Variants in MAGI2 observed in about 807,000 individuals in gnomAD.
The protein encoded by MAGI2 is membrane-associated guanylate kinase, WW and PDZ domain-containing protein 2.
Under a neutral mutation model 133.3 loss-of-function variants are expected in MAGI2, and 35 were observed. That is an observed-to-expected ratio of 0.26 (90% CI 0.20 to 0.35). The LOEUF is 0.35. Among genes scored for constraint, MAGI2 ranks in the 10% least tolerant of loss-of-function variants. The pLI, the probability that MAGI2 is intolerant of heterozygous loss-of-function variation, is 1.00. For synonymous variants in MAGI2, 729 were observed against 710.6 expected, an observed-to-expected ratio of 1.03 and a Z score of -0.41; for missense variants, 1,636 against 1,863.4, an observed-to-expected ratio of 0.88 and a Z score of 2.25.
chr7:78,080,525 C>T (rs1379233416), intron 20 of MAGI2, among the ~76,000 whole-genome samples: 1 of 152,178 alleles, frequency 6.6e-6, no homozygotes, highest in Admixed American at 6.5e-5. Context: ...AATTATCCCT[C>T]CCCCAGTAGC....
At chr7:79,334,598 G>A (rs900083860) in intron 1 of MAGI2, among the ~76,000 whole-genome samples, 13 of 152,016 alleles carry the variant, frequency 8.6e-5, no homozygotes, top group African/African-American at 2.2e-4. Flanking sequence ...TATGCCCAGG[G>A]AGTACAGTCC....
At chr7:78,111,823 A>G (rs1819392837) in intron 20 of MAGI2, among the ~76,000 whole-genome samples, 1 of 152,184 alleles carries the variant, frequency 6.6e-6, no homozygotes, top group Non-Finnish European at 1.5e-5. Context: ...TCTGGACGAA[A>G]TGGTCTTTGG....
At chr7:78,269,862 T>C (rs978115595) in intron 9 of MAGI2, among the ~76,000 whole-genome samples, 2 of 152,330 alleles carry the variant, frequency 1.3e-5, no homozygotes, top group Non-Finnish European at 2.9e-5. Flanking sequence ...CTGAATGGTA[T>C]TGCCTAGGTT....
intron 9 of MAGI2, among the ~76,000 whole-genome samples, chr7:78,328,735 T>C (rs546384199): frequency 1.8e-4 from 27 of 152,296 alleles, no homozygotes; most frequent in Admixed American, 3.9e-4. Flanking sequence ...TAAGTAATTT[T>C]TTCATACCAA....
chr7:78,841,223 A>G (rs1294811130), intron 2 of MAGI2, among the ~76,000 whole-genome samples: 1 of 152,058 alleles, frequency 6.6e-6, no homozygotes, highest in East Asian at 1.9e-4. Context: ...CTCCACCACT[A>G]AAATGAAGTT....
At chr7:78,503,673 C>T (rs1385123259) in intron 4 of MAGI2, among the ~76,000 whole-genome samples, 1 of 140,598 alleles carries the variant, frequency 7.1e-6, no homozygotes, top group East Asian at 2.2e-4. Context: ...TTCTCTCACC[C>T]TCCCCTGTCC....
chr7:78,573,068 TATATATATAC>T (rs1264124092), intron 3 of MAGI2, among the ~76,000 whole-genome samples: 127 of 85,736 alleles, frequency 1.5e-3, no homozygotes, highest in East Asian at 0.013. Context: ...TATATATATA[TATATATATAC>T]ACACACACAC....
chr7:78,314,753 A>G (rs1384506011), intron 9 of MAGI2, among the ~76,000 whole-genome samples: 2 of 152,156 alleles, frequency 1.3e-5, no homozygotes, highest in Admixed American at 1.3e-4. Context: ...ATTAAACATT[A>G]TATGTTGTTG....
intron 1 of MAGI2, among the ~76,000 whole-genome samples, chr7:79,299,410 A>C (rs867065463): frequency 4.9e-4 from 74 of 151,930 alleles, no homozygotes; most frequent in African/African-American, 1.7e-3. Context: ...TTGGGAGTAG[A>C]TTTTGAAGAG....
chr7:78,387,776 A>T (rs1795521449), intron 6 of MAGI2, among the ~76,000 whole-genome samples: 1 of 152,030 alleles, frequency 6.6e-6, no homozygotes, highest in Admixed American at 6.6e-5. Context: ...AAAATACAAA[A>T]TTAATTAGGT....
intron 2 of MAGI2, among the ~76,000 whole-genome samples, chr7:78,746,991 C>A (rs1822985184): frequency 1.3e-5 from 2 of 152,120 alleles, no homozygotes; most frequent in African/African-American, 4.8e-5. Context: ...TAATCAATTT[C>A]TAAGACCTTC....
At chr7:78,758,131 C>A (rs560843595) in intron 2 of MAGI2, among the ~76,000 whole-genome samples, 1 of 152,126 alleles carries the variant, frequency 6.6e-6, no homozygotes, top group South Asian at 2.1e-4. Context: ...GGACATTTAA[C>A]GGTCCTTTTT....
At chr7:78,350,243 G>A (rs891858781) in intron 7 of MAGI2, 1 of 152,146 alleles carries the variant, frequency 6.6e-6, no homozygotes, top group African/African-American at 2.4e-5. Context: ...CTTATCTGCA[G>A]TCTGACTCTC....
chr7:78,195,374 G>T (rs1828627034), intron 11 of MAGI2, among the ~76,000 whole-genome samples: 2 of 152,142 alleles, frequency 1.3e-5, no homozygotes, highest in Non-Finnish European at 1.5e-5. Flanking sequence ...ATAAGATAAA[G>T]ATAATGTGTC....
At chr7:78,307,679 A>T (rs996497196) in intron 9 of MAGI2, among the ~76,000 whole-genome samples, 1 of 152,204 alleles carries the variant, frequency 6.6e-6, no homozygotes, top group African/African-American at 2.4e-5. Context: ...GATTTGAGGT[A>T]GACCTTAATG....
intron 3 of MAGI2, among the ~76,000 whole-genome samples, chr7:78,571,980 C>T (rs1324879039): frequency 3.3e-5 from 5 of 152,188 alleles, no homozygotes; most frequent in African/African-American, 4.8e-5. Context: ...GGACTTACCA[C>T]TATTTGTCTA....
In MAGI2 at chr7:78,373,011, C is replaced by T. The variant is rs539815169; in HGVS notation, c.1046-3798G>A. On this transcript the variant is annotated intron_variant, in intron 6 of 21. Coordinates refer to ENST00000354212, the MANE Select transcript of MAGI2 (RefSeq NM_012301.4). Reference sequence around the variant, plus strand: ...TTATGTGTGTGTATTTTTTAACAGTCGGGGTTCCGTTGTGTTGCCCAAGCT... The same window carrying T: ...TTATGTGTGTGTATTTTTTAACAGTTGGGGTTCCGTTGTGTTGCCCAAGCT... Among the ~76,000 whole-genome samples the T allele has an allele frequency of 1.6e-4, 25 of 151,960 alleles. No homozygotes were observed. In the East Asian group the frequency reaches 2.3e-3, roughly 14 times the overall value.
At chr7:79,375,820 C>G (rs848922) in intron 1 of MAGI2, among the ~76,000 whole-genome samples, 75,864 of 151,654 alleles carry the variant, frequency 0.5, 20,417 homozygotes, top group African/African-American at 0.71. Flanking sequence ...AACATATAAG[C>G]AGATAGGCTT....
intron 1 of MAGI2, among the ~76,000 whole-genome samples, chr7:79,016,562 C>T (rs578150099): frequency 1.1e-4 from 16 of 152,130 alleles, no homozygotes; most frequent in Admixed American, 3.9e-4. Context: ...TTTGCTGGCA[C>T]GCACTTGTCC....
Sources: allele counts gnomAD v4.1 joint callset (sites outside exome capture counted in the v4.1 genomes callset), GRCh38; gene constraint gnomAD v4.1.1; transcripts MANE v1.5; gene names NCBI Gene and HGNC (gene_info 2026-07-23, HGNC 2026-07-21).